The following MTMR7 variants were observed in gnomAD, a reference collection of about 807,000 sequenced individuals.
MTMR7 encodes the protein myotubularin related protein 7, also known as phosphatidylinositol-3-phosphate phosphatase MTMR7.
In MTMR7, 76 loss-of-function variants were observed where a neutral mutation model predicts 81.2. That is an observed-to-expected ratio of 0.94 (90% CI 0.78 to 1.13). The LOEUF (loss-of-function observed/expected upper bound fraction) is 1.13. Ranked by LOEUF, MTMR7 falls within the 50% of genes most tolerant of loss-of-function variation. The pLI, the probability that MTMR7 is intolerant of heterozygous loss-of-function variation, is 0.00. For synonymous variants in MTMR7, 372 were observed against 289.8 expected (o/e 1.28, Z -2.88); for missense variants, 1,044 against 820.0 (o/e 1.27, Z -3.34).
At chr8:17,411,363 C>A (rs111985388) in intron 1 of MTMR7, among the ~76,000 whole-genome samples, 1,676 of 152,260 alleles carry the variant, frequency 0.011, 34 homozygotes, top group African/African-American at 0.038. Context: ...TCTTCAGTCT[C>A]CCTCTCTACC....
intron 4 of MTMR7, among the ~76,000 whole-genome samples, chr8:17,357,257 T>C (rs2150554124): frequency 6.6e-6 from 1 of 152,330 alleles, no homozygotes; most frequent in East Asian, 1.9e-4. Flanking sequence ...GTAGAAATAA[T>C]AATACTACTA....
chr8:17,374,676 G>A (rs896856464), intron 1 of MTMR7, among the ~76,000 whole-genome samples: 3 of 152,078 alleles, frequency 2.0e-5, no homozygotes, highest in Non-Finnish European at 4.4e-5. Flanking sequence ...AGCCTGGGGT[G>A]GTAGCAGGTG....
At chr8:17,394,446 T>G (rs866788041) in intron 1 of MTMR7, among the ~76,000 whole-genome samples, 4 of 152,098 alleles carry the variant, frequency 2.6e-5, no homozygotes, top group Admixed American at 6.5e-5. Flanking sequence ...AAGAAGCCAG[T>G]CACAACGGAC....
intron 12 of MTMR7, chr8:17,302,485 GTT>G: frequency 2.0e-6 from 1 of 495,004 alleles, no homozygotes. Flanking sequence ...GGGAGAATAA[GTT>G]TATGAAAAGT....
intron 1 of MTMR7, among the ~76,000 whole-genome samples, chr8:17,375,927 C>T (rs142426832): frequency 3.9e-4 from 60 of 152,272 alleles, no homozygotes; most frequent in African/African-American, 1.3e-3. Flanking sequence ...ATATACCATA[C>T]GGTTCACCCA....
At chr8:17,321,733 T>A (rs1324573795) in intron 7 of MTMR7, among the ~76,000 whole-genome samples, 1 of 152,186 alleles carries the variant, frequency 6.6e-6, no homozygotes, top group African/African-American at 2.4e-5. Flanking sequence ...TCAGCTGACA[T>A]CAGAGACATA....
At chr8:17,406,092 T>C (rs766401805) in intron 1 of MTMR7, among the ~76,000 whole-genome samples, 7 of 152,132 alleles carry the variant, frequency 4.6e-5, no homozygotes, top group Non-Finnish European at 7.4e-5. Context: ...AAAAAGGCTT[T>C]CTAGAAAATA....
intron 6 of MTMR7, among the ~76,000 whole-genome samples, chr8:17,337,482 G>A (rs983042974): frequency 3.3e-5 from 5 of 152,032 alleles, no homozygotes; most frequent in African/African-American, 4.8e-5. Context: ...AAAATTCAGC[G>A]AAGACTGCGA....
chr8:17,365,144 A>T (rs1237812994), intron 3 of MTMR7, among the ~76,000 whole-genome samples: 1 of 152,102 alleles, frequency 6.6e-6, no homozygotes, highest in Non-Finnish European at 1.5e-5. Context: ...CTGTGGTTTT[A>T]ATTTGCATCT....
At chr8:17,379,889 C>T (rs1446467308) in intron 1 of MTMR7, among the ~76,000 whole-genome samples, 1 of 152,022 alleles carries the variant, frequency 6.6e-6, no homozygotes. Flanking sequence ...CTGAAGGCAC[C>T]GTTTCATTGC....
At position 17,313,390 on chromosome 8, in the gene MTMR7, T is replaced by G. The variant is rs1197690481; in HGVS notation, c.877A>C (p.Lys293Gln). Residue 293 changes from lysine to glutamine, a missense_variant, in exon 8 of 14, where the codon AAA becomes CAA. Coordinates refer to ENST00000180173, the MANE Select transcript of MTMR7 (RefSeq NM_004686.5). Reference protein sequence around the residue: ...LQKMLEVCELKSPSMSDFLWG... With the variant: ...LQKMLEVCELQSPSMSDFLWG... ...AGGAAATCACTCATGGAGGGAGATT[T>G]AAGTTCACACACTGCAAGATAAATC... 1.9e-6 allele frequency: 3 copies of G among 1,610,090 alleles called. No individual in the cohort carries two copies. The highest frequency in any genetic ancestry group is 2.2e-5 in the South Asian group (2 of 90,562).
At chr8:17,300,860 G>A (rs1817064345) in intron 13 of MTMR7, among the ~76,000 whole-genome samples, 1 of 152,186 alleles carries the variant, frequency 6.6e-6, no homozygotes, top group Non-Finnish European at 1.5e-5. Flanking sequence ...TAAATTGAAT[G>A]GAATCATACA....
At position 17,299,753 on chromosome 8, in the gene MTMR7, G is replaced by C; in HGVS notation, c.*109C>G. ...CCCTTTTCATAGCTGCATTAAAGTA[G>C]TTCTCAATGACATGCACCATTTCCT... On this transcript the variant is annotated 3_prime_UTR_variant, in exon 14 of 14. Transcript: ENST00000180173. 4 of 1,467,160 alleles carry C rather than the reference G, an allele frequency of 2.7e-6. No individual in the cohort carries two copies. Among genetic ancestry groups the C allele is most frequent in the Non-Finnish European group, 3.7e-6 (4 of 1,085,380 alleles). 90.9% of individuals were successfully genotyped at this position (1,467,160 alleles called of 1,614,324 possible).
chr8:17,348,527 G>A (rs1819630740), intron 5 of MTMR7, among the ~76,000 whole-genome samples: 1 of 145,438 alleles, frequency 6.9e-6, no homozygotes, highest in Non-Finnish European at 1.5e-5. Flanking sequence ...TCTAGCCCAG[G>A]TGACAGAGTG....
chr8:17,366,882 T>G (rs1238235024), intron 3 of MTMR7, among the ~76,000 whole-genome samples: 1 of 74,346 alleles, frequency 1.3e-5, no homozygotes. Flanking sequence ...CGAGACTCCA[T>G]CTCAAAAAAA....
Position 17,299,855 on chromosome 8 carries a change from G to A in MTMR7, c.*7C>T. On this transcript the variant is annotated 3_prime_UTR_variant, in exon 14 of 14. Transcript: ENST00000180173. ...TGTCCTTTACTTTGGAACTCCAAAG[G>A]GAAACTTCAGGCAGTGAGAAACACG... 1 of 1,613,460 alleles carries A rather than the reference G, an allele frequency of 6.2e-7. No homozygotes were observed. The highest frequency in any genetic ancestry group is 1.1e-5 in the South Asian group (1 of 91,058).
chr8:17,299,914 T>A lies in MTMR7; in HGVS notation c.1931A>T (p.Glu644Val). ...AGAATCCCGGTCCTTGCCACTATCT[T>A]CACTCGGTGCATGCTCACCACCACT... The part of the protein sequence containing the change: ...SPSGGEHAPS[E>V]DSGKDRDSDE... Residue 644 changes from glutamate to valine, a missense_variant, in exon 14 of 14, where the codon GAA becomes GTA. Transcript: ENST00000180173. The A allele has an allele frequency of 1.2e-6, 2 of 1,614,152 alleles. No homozygotes were observed. Among genetic ancestry groups the A allele is most frequent in the Non-Finnish European group, 1.7e-6 (2 of 1,179,996 alleles).
chr8:17,400,821 C>G (rs1261654741), intron 1 of MTMR7, among the ~76,000 whole-genome samples: 1 of 152,096 alleles, frequency 6.6e-6, no homozygotes, highest in Non-Finnish European at 1.5e-5. Flanking sequence ...GGCAGTATTT[C>G]TTTTTTAAGT....
rs753709798 is a variant in MTMR7 at position 17,300,041 on chromosome 8, C to T, written c.1804G>A (p.Ala602Thr). The T allele has an allele frequency of 5.6e-6, 9 of 1,614,022 alleles. No homozygotes were observed. Among genetic ancestry groups the T allele is most frequent in the Middle Eastern group, 1.6e-4 (1 of 6,084 alleles). ...AGATTGTCTTGGGTTAGAATCAGAG[C>T]AGAATCTTCATCGCCTTGTGAAGGG... ...RSPSQGDEDS[A>T]LILTQDNLKS... is the part of the protein sequence containing the mutation. Residue 602 changes from alanine to threonine, a missense_variant, in exon 14 of 14, where the codon GCT (alanine) becomes ACT (threonine). Physicochemically the swap from Ala to Thr is moderately conservative, Grantham distance 58. Coordinates refer to ENST00000180173, the MANE Select transcript of MTMR7 (RefSeq NM_004686.5).
Sources: gnomAD v4.1 joint callset for allele counts (sites outside exome capture counted in the v4.1 genomes callset) on GRCh38, gnomAD v4.1.1 for gene constraint, MANE v1.5 for transcripts, NCBI Gene and HGNC (gene_info 2026-07-23, HGNC 2026-07-21) for gene names.